GAS2: variants seen among roughly 807,000 people sequenced by gnomAD.
The protein encoded by GAS2 is growth arrest-specific protein 2.
In GAS2, 20 loss-of-function variants were observed where a neutral mutation model predicts 37.5. The ratio of observed to expected loss-of-function variants is 0.53; its 90% CI spans 0.37 to 0.77. The LOEUF (loss-of-function observed/expected upper bound fraction) is 0.77, where lower values mean the gene tolerates loss of function less well. GAS2 is among the 30% of genes least tolerant of loss of function. The pLI, the probability that GAS2 is intolerant of heterozygous loss-of-function variation, is 0.00. For synonymous variants in GAS2, 144 were observed against 132.2 expected, an observed-to-expected ratio of 1.09 and a Z score of -0.61; for missense variants, 336 against 373.4, an observed-to-expected ratio of 0.90 and a Z score of 0.82.
At chr11:22,689,180 A>G (rs1027730945) in intron 3 of GAS2, among the ~76,000 whole-genome samples, 18 of 152,186 alleles carry the variant, frequency 1.2e-4, no homozygotes, top group Admixed American at 3.9e-4. Context: ...ATTGGGTTCT[A>G]TGCTCACTAT....
chr11:22,637,261 A>ATAT (rs1554964616), intron 1 of GAS2, among the ~76,000 whole-genome samples: 1 of 1,194 alleles, frequency 8.4e-4, no homozygotes, highest in Non-Finnish European at 2.0e-3. Flanking sequence ...GTATACTAAT[A>ATAT]TATTAATTAT....
chr11:22,792,358 A>G (rs776229240), intron 7 of GAS2, among the ~76,000 whole-genome samples: 1 of 152,268 alleles, frequency 6.6e-6, no homozygotes, highest in Non-Finnish European at 1.5e-5. Context: ...ACCTGTGTGC[A>G]TCTAACAGAC....
rs760761357 is a variant in GAS2, at chr11:22,675,006, A to G, written c.137A>G (p.Asn46Ser). 5 of 1,613,610 alleles carry G rather than the reference A, an allele frequency of 3.1e-6. No homozygotes were observed. Among genetic ancestry groups the G allele is most frequent in the Non-Finnish European group, 3.4e-6 (4 of 1,179,758 alleles). The change falls in exon 2 of 8, where the codon AAT becomes AGT. Residue 46 changes from asparagine (N) to serine (S), a missense_variant. Coordinates refer to ENST00000454584, the MANE Select transcript of GAS2 (RefSeq NM_001143830.3). ...GAAGATCTGGCCTTGTGGTTAACCA[A>G]TCTATTAGGTAAGGTTATAAGATCT... ...MKEDLALWLT[N>S]LLGKEITAET...
At chr11:22,717,989 T>TA (rs978855459) in intron 3 of GAS2, among the ~76,000 whole-genome samples, 15 of 151,952 alleles carry the variant, frequency 9.9e-5, no homozygotes, top group African/African-American at 2.4e-4. Context: ...ATGGCTATGG[T>TA]AAAAAAAGGA....
At chr11:22,731,362 T>C (rs1166539388) in intron 4 of GAS2, 2 of 449,746 alleles carry the variant, frequency 4.4e-6, no homozygotes, top group Non-Finnish European at 8.9e-6. Context: ...GCTTCATCTA[T>C]TTCTCTGAGA....
chr11:22,686,529 A>T (rs1849960750), intron 3 of GAS2, among the ~76,000 whole-genome samples: 1 of 136,022 alleles, frequency 7.4e-6, no homozygotes. Context: ...TAGTCTGGCC[A>T]ACATGGCCAA....
intron 7 of GAS2, among the ~76,000 whole-genome samples, chr11:22,804,317 G>A (rs1416318479): frequency 2.0e-5 from 3 of 152,118 alleles, no homozygotes; most frequent in South Asian, 2.1e-4. Flanking sequence ...TAGGTAGCAG[G>A]CAATTCAGGA....
rs139852869 is a variant in GAS2, at chr11:22,729,006, C to A, written c.409+2573C>A. On this transcript the variant is annotated intron_variant, in intron 4 of 7. Coordinates refer to ENST00000454584, the MANE Select transcript of GAS2 (RefSeq NM_001143830.3). ...CTCTGCTTGATGTCTTTTCACACTT[C>A]ACTTTTGAAAGGAAATTTGGGGCAA... is the stretch of plus-strand genomic sequence containing the variant. Among the ~76,000 whole-genome samples, 52 of 150,842 alleles carry A rather than the reference C, an allele frequency of 3.4e-4. No homozygotes were observed. The East Asian group carries it at 7.2e-3, about 21-fold the overall frequency.
chr11:22,798,810 A>G (rs554249211), intron 7 of GAS2, among the ~76,000 whole-genome samples: 2 of 152,062 alleles, frequency 1.3e-5, no homozygotes, highest in South Asian at 4.1e-4. Flanking sequence ...AGCTTTCAAC[A>G]TGGCAAACTA....
Position 22,800,195 on chromosome 11 carries a change from C to T in GAS2, c.724-11603C>T, listed in dbSNP as rs927325970. On this transcript the variant is annotated intron_variant, in intron 7 of 7. Coordinates refer to ENST00000454584, the MANE Select transcript of GAS2 (RefSeq NM_001143830.3). The stretch of plus-strand genomic sequence containing the variant: ...AGTAGCTGGGCTATAAAGTGCTTTG[C>T]GAGCCAGGTTACTTGTTCTTATGGA... Among the ~76,000 whole-genome samples, 4 of 151,978 alleles carry T rather than the reference C, an allele frequency of 2.6e-5. No homozygotes were observed. In the South Asian group the frequency reaches 6.2e-4, roughly 24 times the overall value.
intron 7 of GAS2, among the ~76,000 whole-genome samples, chr11:22,810,729 CCAAAACCTTTAT>C (rs1387397796): frequency 6.6e-6 from 1 of 151,998 alleles, no homozygotes; most frequent in African/African-American, 2.4e-5. Flanking sequence ...GAAAGCAGGT[CCAAAACCTTTAT>C]CAAAACCTAC....
At chr11:22,674,755 A>C in intron 1 of GAS2, 95 bp from the exon 2 acceptor site, 1 of 905,148 alleles carries the variant, frequency 1.1e-6, no homozygotes, top group Non-Finnish European at 1.6e-6. Context: ...TGTCATCAGA[A>C]AACCCGCGGA....
At chr11:22,808,202 A>T (rs1012593676) in intron 7 of GAS2, among the ~76,000 whole-genome samples, 5 of 152,222 alleles carry the variant, frequency 3.3e-5, no homozygotes, top group Admixed American at 3.3e-4. Context: ...CTCCAACTAT[A>T]GCTCTTATCA....
rs1236023573 is a variant in GAS2 at position 22,637,416 on chromosome 11, A to G, written c.-21+11603A>G. ...ATTATATTAATAGTATACTTAATAT[A>G]ATATTAATTATATTAATAGTATACT... On this transcript the variant is annotated intron_variant, in intron 1 of 5. Transcript: ENST00000528582. Among the ~76,000 whole-genome samples the G allele has an allele frequency of 1.4e-4, 9 of 64,588 alleles. 3 individuals are homozygous for G. The highest frequency in any genetic ancestry group is 8.3e-4 in the African/African-American group (8 of 9,612). The allele number at this position is 64,588 out of a possible 152,430, so 42.4% of individuals were successfully genotyped here.
intron 1 of GAS2, among the ~76,000 whole-genome samples, chr11:22,636,469 A>G (rs1858822945): frequency 6.6e-6 from 1 of 152,190 alleles, no homozygotes; most frequent in African/African-American, 2.4e-5. Context: ...ATTGCATAAC[A>G]GCCATGCAAT....
At chr11:22,719,085 T>C (rs1851824968) in intron 3 of GAS2, among the ~76,000 whole-genome samples, 1 of 152,152 alleles carries the variant, frequency 6.6e-6, no homozygotes, top group Non-Finnish European at 1.5e-5. Context: ...TTATGGTGTA[T>C]TTGTGATGTT....
At chr11:22,711,487 G>T (rs1188273734) in intron 3 of GAS2, among the ~76,000 whole-genome samples, 1 of 152,186 alleles carries the variant, frequency 6.6e-6, no homozygotes, top group Non-Finnish European at 1.5e-5. Context: ...AGCAGAATCA[G>T]GGGGAGACGG....
upstream of GAS2, among the ~76,000 whole-genome samples, chr11:22,665,451 A>C (rs1848967997): frequency 1.3e-5 from 2 of 152,164 alleles, no homozygotes; most frequent in Admixed American, 1.3e-4. Context: ...CGTTTACTAA[A>C]ACTCATCAGT....
intron 1 of GAS2, among the ~76,000 whole-genome samples, chr11:22,645,746 T>G (rs969094653): frequency 1.3e-5 from 2 of 152,056 alleles, no homozygotes; most frequent in Non-Finnish European, 2.9e-5. Flanking sequence ...TTTTGAATTG[T>G]GCCATTATAC....
Sources: allele counts gnomAD v4.1 joint callset (sites outside exome capture counted in the v4.1 genomes callset), GRCh38; gene constraint gnomAD v4.1.1; transcripts MANE v1.5; gene names NCBI Gene and HGNC (gene_info 2026-07-23, HGNC 2026-07-21).